The following SMIM23 variants were observed in gnomAD, a reference collection of about 807,000 sequenced individuals.
SMIM23 encodes the protein small integral membrane protein 23.
In SMIM23, 10 loss-of-function variants were observed where a neutral mutation model predicts 12.8. The ratio of observed to expected loss-of-function variants is 0.78; its 90% CI spans 0.48 to 1.32. The LOEUF (loss-of-function observed/expected upper bound fraction) is 1.32. Ranked by LOEUF, SMIM23 falls within the 40% of genes most tolerant of loss-of-function variation. SMIM23 has a pLI of 0.00. For synonymous variants in SMIM23, 78 were observed against 80.1 expected, an observed-to-expected ratio of 0.97 and a Z score of 0.14; for missense variants, 184 against 198.2, an observed-to-expected ratio of 0.93 and a Z score of 0.43.
the SMIM23 span, chr5:171,774,285 C>T: frequency 3.9e-4 from 155 of 393,336 alleles, no homozygotes; most frequent in Non-Finnish European, 6.0e-4. Flanking sequence ...CCCATGCTTG[C>T]TCCACCTTGA....
the SMIM23 span, among the ~76,000 whole-genome samples, chr5:171,772,929 G>A: frequency 6.6e-6 from 1 of 152,180 alleles, no homozygotes. Flanking sequence ...AGGGTGATAG[G>A]CCCCTGGATG....
the SMIM23 span, chr5:171,774,662 C>T: frequency 1.6e-5 from 7 of 448,976 alleles, no homozygotes; most frequent in Admixed American, 7.2e-5. Context: ...TCTCAAGGCT[C>T]GCCCACAAAT....
At chr5:171,773,506 AGGAG>A in the SMIM23 span, 1 of 320,806 alleles carries the variant, frequency 3.1e-6, no homozygotes. Context: ...AGCCCCAGAC[AGGAG>A]GGATTCTGAA....
the SMIM23 span, among the ~76,000 whole-genome samples, chr5:171,773,482 C>G: frequency 2.0e-5 from 3 of 152,004 alleles, no homozygotes; most frequent in Non-Finnish European, 4.4e-5. Flanking sequence ...GGGCATGCGC[C>G]CTGGGGCCCA....
the SMIM23 span, among the ~76,000 whole-genome samples, chr5:171,773,192 CTT>C: frequency 6.6e-6 from 1 of 152,184 alleles, no homozygotes; most frequent in African/African-American, 2.4e-5. Context: ...CTTCGGTTCT[CTT>C]GAGTCCGACT....
intron 1 of SMIM23, among the ~76,000 whole-genome samples, chr5:171,787,102 C>T (rs1755833683): frequency 6.8e-6 from 1 of 146,516 alleles, no homozygotes; most frequent in Non-Finnish European, 1.5e-5. Flanking sequence ...TCACTGCAAC[C>T]TCCTCCTCCT....
chr5:171,789,563 T>C (rs539145308), intron 1 of SMIM23, among the ~76,000 whole-genome samples: 1 of 152,342 alleles, frequency 6.6e-6, no homozygotes, highest in South Asian at 2.1e-4. Context: ...TGCAATATTC[T>C]ATGTTCATAT....
In SMIM23 at chr5:171,788,850, T is replaced by A. The variant is rs549497929; in HGVS notation, c.106-1380T>A. ...CTTGACAAACGTGTAGAAAAAAAAA[T>A]TTTTTTTGAGACAGATTCTTGCTCT... On this transcript the variant is annotated intron_variant, in intron 1 of 3. Transcript: ENST00000523047. 5.1e-4 allele frequency among the ~76,000 whole-genome samples: 75 copies of A among 146,390 alleles called. 1 individual carries two copies. The highest frequency in any genetic ancestry group is 1.9e-3 in the African/African-American group (70 of 36,220).
upstream of SMIM23, among the ~76,000 whole-genome samples, chr5:171,778,184 AC>A (rs1755670468): frequency 6.6e-6 from 1 of 151,954 alleles, no homozygotes; most frequent in Non-Finnish European, 1.5e-5. Context: ...ACACGGTGAA[AC>A]CCTGTCTACA....
chr5:171,780,022 T>A (rs1454992392), upstream of SMIM23, among the ~76,000 whole-genome samples: 1 of 152,140 alleles, frequency 6.6e-6, no homozygotes, highest in Non-Finnish European at 1.5e-5. Context: ...AGAGACATGA[T>A]GTCACTTTCC....
At chr5:171,780,745 G>C (rs751071704), upstream of SMIM23, among the ~76,000 whole-genome samples, 4 of 152,102 alleles carry the variant, frequency 2.6e-5, no homozygotes, top group Non-Finnish European at 2.9e-5. Flanking sequence ...GGCCTTTGGA[G>C]GGCCCTCAAG....
chr5:171,773,771 C>A, the SMIM23 span: 3 of 456,162 alleles, frequency 6.6e-6, no homozygotes, highest in Non-Finnish European at 1.3e-5. Context: ...GAACATAGGT[C>A]ATTGTGGCCA....
chr5:171,774,434 C>T, the SMIM23 span: 7 of 456,324 alleles, frequency 1.5e-5, no homozygotes, highest in East Asian at 6.9e-5. Flanking sequence ...CAGGTCTGCT[C>T]GGCTGCACAG....
At chr5:171,787,816 C>T (rs930209037) in intron 1 of SMIM23, among the ~76,000 whole-genome samples, 1 of 152,176 alleles carries the variant, frequency 6.6e-6, no homozygotes, top group Non-Finnish European at 1.5e-5. Context: ...GTCATCATAG[C>T]TGAGTTTTCT....
At chr5:171,773,092 T>C in the SMIM23 span, among the ~76,000 whole-genome samples, 1 of 152,168 alleles carries the variant, frequency 6.6e-6, no homozygotes, top group African/African-American at 2.4e-5. Context: ...CCAGGGAGTA[T>C]GTGGAAAGAG....
At chr5:171,778,492 CAGAT>C (rs140624608), upstream of SMIM23, among the ~76,000 whole-genome samples, 860 of 106,422 alleles carry the variant, frequency 8.1e-3, 6 homozygotes, top group African/African-American at 0.027. Context: ...CACACACACA[CAGAT>C]AGAGACAGAG....
Position 171,790,493 on chromosome 5 carries a change from G to T in SMIM23, c.169G>T (p.Glu57Ter). The change falls in exon 3 of 4, where the codon GAG becomes TAG. Residue 57 changes from glutamate (E) to a stop codon, truncating the protein, a stop_gained. Transcript: ENST00000523047. LOFTEE classifies it high-confidence loss of function. ...TGTGCCTGTTTCAGGAAGCAGTTGG[G>T]AGGTGTCAGAAAGGATCAGAGAATG... ...LSTEIWGSSW[E>*]VSERIRECNY... 6.5e-7 allele frequency: 1 copy of T among 1,536,760 alleles called. No individual in the cohort carries two copies. Among genetic ancestry groups the T allele is most frequent in the Non-Finnish European group, 8.7e-7 (1 of 1,147,052 alleles).
upstream of SMIM23, chr5:171,782,369 T>C (rs536493136): frequency 6.6e-6 from 1 of 152,380 alleles, no homozygotes; most frequent in East Asian, 1.9e-4. Flanking sequence ...CTCCTTGTGG[T>C]AAACGAGAAG....
At chr5:171,774,686 T>C in the SMIM23 span, 1 of 442,518 alleles carries the variant, frequency 2.3e-6, no homozygotes, top group South Asian at 1.6e-5. Flanking sequence ...AGGAAGTGTC[T>C]TGGATGCAGA....
Sources: gnomAD v4.1 joint callset for allele counts (sites outside exome capture counted in the v4.1 genomes callset) on GRCh38, gnomAD v4.1.1 for gene constraint, MANE v1.5 for transcripts, NCBI Gene and HGNC (gene_info 2026-07-23, HGNC 2026-07-21) for gene names.